LINGO2: variants seen among roughly 807,000 people sequenced by gnomAD.
LINGO2 encodes leucine rich repeat and Ig domain containing 2.
LINGO2 carries 14 observed loss-of-function variants against 30.6 expected under a neutral mutation model. The observed-to-expected ratio is 0.46, with a 90% CI of 0.30 to 0.72. The LOEUF is 0.72. Ranked by LOEUF, LINGO2 falls within the 30% of genes least tolerant of loss-of-function variation. The probability of loss-of-function intolerance (pLI) is 0.07; values close to 1 mark genes in which losing one functional copy is unlikely to be tolerated. For missense variants in LINGO2, 729 were observed against 751.7 expected (o/e 0.97, Z 0.35); for synonymous variants, 317 against 288.5 (o/e 1.10, Z -1.00).
In LINGO2 at chr9:28,400,856, G is replaced by A. The variant is rs368062485; in HGVS notation, c.-278-27988C>T. ...AAAAATAAATTAATTCAACATATGA[G>A]GGTGTTTGAATGTTACACAGAACTG... On this transcript the variant is annotated intron_variant, in intron 2 of 5. Coordinates refer to ENST00000379992, the Ensembl canonical transcript of LINGO2. 4.7e-4 allele frequency among the ~76,000 whole-genome samples: 72 copies of A among 152,260 alleles called. No individual in the cohort carries two copies. In the South Asian group the frequency reaches 0.015, roughly 31 times the overall value.
At chr9:28,959,860 A>G in the LINGO2 span, among the ~76,000 whole-genome samples, 2 of 152,156 alleles carry the variant, frequency 1.3e-5, no homozygotes, top group Admixed American at 1.3e-4. Context: ...ATATATACCA[A>G]CTCTAAAAGC....
intron 5 of LINGO2, among the ~76,000 whole-genome samples, chr9:28,003,685 T>G (rs1232144785): frequency 6.6e-6 from 1 of 152,164 alleles, no homozygotes; most frequent in Non-Finnish European, 1.5e-5. Context: ...ATGGTCTCGA[T>G]CTCCTGACCT....
intron 3 of LINGO2, among the ~76,000 whole-genome samples, chr9:28,326,924 C>T (rs1367953196): frequency 6.6e-6 from 1 of 152,124 alleles, no homozygotes; most frequent in Non-Finnish European, 1.5e-5. Context: ...GCCTCATTCA[C>T]CTCTTCACAT....
At chr9:28,344,957 A>G (rs1435409427) in intron 3 of LINGO2, among the ~76,000 whole-genome samples, 3 of 152,168 alleles carry the variant, frequency 2.0e-5, no homozygotes, top group Non-Finnish European at 2.9e-5. Context: ...AAATACAGTA[A>G]TACTAGACAT....
the LINGO2 span, among the ~76,000 whole-genome samples, chr9:28,970,474 G>A: frequency 1.1e-3 from 172 of 152,236 alleles, 1 homozygote; most frequent in Non-Finnish European, 1.9e-3. Flanking sequence ...ATCCATGAAA[G>A]AGGCAATGAA....
chr9:28,748,184 A>G, the LINGO2 span, among the ~76,000 whole-genome samples: 1 of 152,074 alleles, frequency 6.6e-6, no homozygotes, highest in African/African-American at 2.4e-5. Context: ...TGCTACTTCA[A>G]CAACAACAAA....
intron 1 of LINGO2, among the ~76,000 whole-genome samples, chr9:28,668,144 G>C (rs912405777): frequency 6.6e-6 from 1 of 151,946 alleles, no homozygotes; most frequent in African/African-American, 2.4e-5. Context: ...AGAAAATAAA[G>C]ACCTTTATTT....
the LINGO2 span, among the ~76,000 whole-genome samples, chr9:28,774,424 G>A: frequency 0.4 from 60,251 of 151,858 alleles, 12,620 homozygotes; most frequent in African/African-American, 0.54. Context: ...TTGTTTGCAA[G>A]GCAAATATTA....
the LINGO2 span, among the ~76,000 whole-genome samples, chr9:29,191,739 A>C: frequency 6.6e-6 from 1 of 152,114 alleles, no homozygotes. Context: ...TTCGCTATTC[A>C]CTACTTTAAC....
At chr9:29,199,455 T>A in the LINGO2 span, among the ~76,000 whole-genome samples, 15 of 152,148 alleles carry the variant, frequency 9.9e-5, no homozygotes, top group Admixed American at 7.9e-4. Context: ...AGGGTTACAT[T>A]TAAGTCAGTC....
chr9:28,260,880 G>C (rs1458351593), intron 4 of LINGO2, among the ~76,000 whole-genome samples: 1 of 151,892 alleles, frequency 6.6e-6, no homozygotes, highest in East Asian at 1.9e-4. Flanking sequence ...AGTGATACGA[G>C]CATTCCGTGA....
chr9:28,756,088 C>A, the LINGO2 span, among the ~76,000 whole-genome samples: 2 of 152,020 alleles, frequency 1.3e-5, no homozygotes, highest in African/African-American at 4.8e-5. Flanking sequence ...ATCCTGAAAT[C>A]ACCTGATCCA....
At chr9:29,126,667 T>C in the LINGO2 span, among the ~76,000 whole-genome samples, 2,694 of 152,174 alleles carry the variant, frequency 0.018, 62 homozygotes, top group African/African-American at 0.061. Flanking sequence ...AACTGTAGCT[T>C]AGACAATATG....
At chr9:28,969,145 T>C in the LINGO2 span, among the ~76,000 whole-genome samples, 10 of 152,088 alleles carry the variant, frequency 6.6e-5, no homozygotes, top group African/African-American at 2.2e-4. Context: ...AGCATAGTAG[T>C]AAATTATTTA....
At chr9:28,075,907 T>A (rs2133195469) in intron 4 of LINGO2, among the ~76,000 whole-genome samples, 1 of 152,174 alleles carries the variant, frequency 6.6e-6, no homozygotes, top group Admixed American at 6.5e-5. Context: ...TAGAAAAATT[T>A]GTCCATTTTT....
chr9:28,256,191 G>C (rs985787619), intron 4 of LINGO2, among the ~76,000 whole-genome samples: 2 of 151,870 alleles, frequency 1.3e-5, no homozygotes, highest in East Asian at 3.9e-4. Context: ...CTCACCCCTT[G>C]CTTCATTTTT....
At chr9:29,154,512 C>A in the LINGO2 span, among the ~76,000 whole-genome samples, 1 of 149,692 alleles carries the variant, frequency 6.7e-6, no homozygotes, top group Non-Finnish European at 1.5e-5. Context: ...TCTGTAAGAG[C>A]AACAGCATGT....
intron 4 of LINGO2, among the ~76,000 whole-genome samples, chr9:28,122,338 G>A (rs2133402588): frequency 6.6e-6 from 1 of 152,020 alleles, no homozygotes; most frequent in East Asian, 1.9e-4. Context: ...AGTGAAATAG[G>A]GCTATGTATA....
chr9:29,124,989 T>C, the LINGO2 span, among the ~76,000 whole-genome samples: 2 of 152,096 alleles, frequency 1.3e-5, no homozygotes, highest in East Asian at 1.9e-4. Context: ...GTATGTACAA[T>C]AGCAAAGACT....
Sources: gnomAD v4.1 joint callset for allele counts (sites outside exome capture counted in the v4.1 genomes callset) on GRCh38, gnomAD v4.1.1 for gene constraint, MANE v1.5 for transcripts, NCBI Gene and HGNC (gene_info 2026-07-23, HGNC 2026-07-21) for gene names.